ATG7: variants seen among roughly 807,000 people sequenced by gnomAD.
ATG7 encodes the protein autophagy related 7.
ATG7 carries 70 observed loss-of-function variants against 82.4 expected under a neutral mutation model. The observed-to-expected ratio is 0.85, with a 90% confidence interval of 0.70 to 1.04. The LOEUF (loss-of-function observed/expected upper bound fraction) is 1.04, where lower values mean the gene tolerates loss of function less well. Ranked by LOEUF, ATG7 falls within the 50% of genes least tolerant of loss-of-function variation. ATG7 has a pLI of 0.00. For synonymous variants in ATG7, 287 were observed against 313.0 expected (o/e 0.92, Z 0.88); for missense variants, 792 against 864.3 (o/e 0.92, Z 1.05).
At chr3:11,279,882 G>A (rs1182423166) in intron 1 of ATG7, among the ~76,000 whole-genome samples, 2 of 150,368 alleles carry the variant, frequency 1.3e-5, no homozygotes, top group African/African-American at 4.9e-5. Context: ...TTCCTCTTCT[G>A]TTTTGTTGTC....
chr3:11,292,038 C>T (rs904507191), intron 3 of ATG7, among the ~76,000 whole-genome samples: 3 of 151,988 alleles, frequency 2.0e-5, no homozygotes, highest in Non-Finnish European at 2.9e-5. Flanking sequence ...GGCAGTGACC[C>T]GTGAGTATAT....
chr3:11,418,187 C>G (rs58354489), intron 19 of ATG7, among the ~76,000 whole-genome samples: 3,918 of 151,512 alleles, frequency 0.026, 188 homozygotes, highest in African/African-American at 0.09. Context: ...TCACTGCAGC[C>G]TCAACCTCCC....
At chr3:11,337,668 G>A (rs568262857) in intron 11 of ATG7, among the ~76,000 whole-genome samples, 1 of 151,946 alleles carries the variant, frequency 6.6e-6, no homozygotes, top group South Asian at 2.1e-4. Context: ...TTTTTTGAGA[G>A]ATGAGGTCTT....
chr3:11,491,926 C>T (rs2090397161), intron 20 of ATG7, among the ~76,000 whole-genome samples: 1 of 152,302 alleles, frequency 6.6e-6, no homozygotes, highest in Non-Finnish European at 1.5e-5. Flanking sequence ...TTTGTCTGTG[C>T]CCTGCCCCCA....
Position 11,307,081 on chromosome 3 carries a change from G to T in ATG7, c.333+21G>T, listed in dbSNP as rs140745616. 98 of 1,592,782 alleles carry T rather than the reference G, an allele frequency of 6.2e-5. 1 individual carries two copies. The African/African-American group carries it at 1.2e-3, about 19-fold the overall frequency. ...ATGAGGTTAGCTGTGAAAACGTGAT[G>T]TATGTGTCATATTTCCTGTGGTCCT... On this transcript the variant is annotated intron_variant, in intron 6 of 20. Transcript: ENST00000693202.
intron 20 of ATG7, among the ~76,000 whole-genome samples, chr3:11,467,358 T>C (rs60445355): frequency 0.1 from 15,876 of 152,150 alleles, 1,296 homozygotes; most frequent in African/African-American, 0.23. Flanking sequence ...CATAAAATAT[T>C]ACCTCAACCG....
At position 11,426,875 on chromosome 3, in the gene ATG7, A is replaced by G; in HGVS notation, c.2028A>G (p.Leu676=). The change falls in exon 20 of 21, where the codon TTA becomes TTG. Residue 676 remains leucine (L), a synonymous_variant. Transcript: ENST00000693202. ...TGTTTAATTCTTCACATTCCTTCTT[A>G]GAAGACTTGACTGGTCTTACATTGC... ...AKVFNSSHSF[L]EDLTGLTLLH... is the part of the protein sequence containing the mutation. 1 of 1,612,394 alleles carries G rather than the reference A, an allele frequency of 6.2e-7. No homozygotes were observed. Among genetic ancestry groups the G allele is most frequent in the Non-Finnish European group, 8.5e-7 (1 of 1,179,292 alleles).
chr3:11,348,117 A>G (rs950844916), intron 14 of ATG7, 82 bp downstream of exon 14: 128 of 1,495,172 alleles, frequency 8.6e-5, no homozygotes, highest in Non-Finnish European at 1.1e-4. Flanking sequence ...GGCATTGAAG[A>G]AAGAGAGTCA....
intron 20 of ATG7, among the ~76,000 whole-genome samples, chr3:11,524,567 T>C (rs370428765): frequency 3.9e-5 from 6 of 152,186 alleles, no homozygotes; most frequent in African/African-American, 1.4e-4. Context: ...GAGACCAGCC[T>C]GGACATCATG....
At chr3:11,380,524 A>G (rs2077812385) in intron 19 of ATG7, among the ~76,000 whole-genome samples, 1 of 152,182 alleles carries the variant, frequency 6.6e-6, no homozygotes, top group Admixed American at 6.5e-5. Flanking sequence ...TTCAGCTTTG[A>G]TCTTTCCAGA....
intron 18 of ATG7, among the ~76,000 whole-genome samples, chr3:11,366,532 C>A (rs1463943930): frequency 6.6e-6 from 1 of 152,170 alleles, no homozygotes; most frequent in Non-Finnish European, 1.5e-5. Flanking sequence ...GCTGTCGTAT[C>A]TCATTTGAAT....
chr3:11,532,719 C>T (rs2092716131), intron 20 of ATG7, among the ~76,000 whole-genome samples: 1 of 152,024 alleles, frequency 6.6e-6, no homozygotes, highest in African/African-American at 2.4e-5. Context: ...TGAGACCTGT[C>T]GTAAAAAACG....
At chr3:11,502,246 TAA>T (rs1197696816) in intron 20 of ATG7, among the ~76,000 whole-genome samples, 3 of 151,806 alleles carry the variant, frequency 2.0e-5, no homozygotes, top group Admixed American at 1.3e-4. Flanking sequence ...TATTATACTT[TAA>T]GTTTTAGGGT....
chr3:11,499,767 A>AG (rs2091182690), intron 20 of ATG7, among the ~76,000 whole-genome samples: 1 of 151,020 alleles, frequency 6.6e-6, no homozygotes, highest in African/African-American at 2.4e-5. Context: ...AAAAAAAGAA[A>AG]CAAAAAATCT....
intron 9 of ATG7, among the ~76,000 whole-genome samples, chr3:11,319,040 A>G (rs1470941949): frequency 6.6e-6 from 1 of 152,064 alleles, no homozygotes; most frequent in African/African-American, 2.4e-5. Context: ...GTTTGTCCCC[A>G]CTCTGCGTCC....
intron 9 of ATG7, among the ~76,000 whole-genome samples, chr3:11,317,584 C>CT (rs370026914): frequency 0.032 from 3,646 of 114,454 alleles, 165 homozygotes; most frequent in African/African-American, 0.095. Context: ...TTCTTTCTTT[C>CT]TTTTTTTTTT....
rs115714164 is a variant in ATG7 at position 11,293,047 on chromosome 3, C to A, written c.-10-5639C>A. 2.7e-3 allele frequency among the ~76,000 whole-genome samples: 411 copies of A among 152,176 alleles called. 3 individuals are homozygous for A. The highest frequency in any genetic ancestry group is 9.3e-3 in the African/African-American group (388 of 41,500). ...CTTGAATTAAGGTGATACTATTAAGCAAACTAGGAAATACAGAGAAAGGGG... is the reference window on the plus strand; with the variant it reads ...CTTGAATTAAGGTGATACTATTAAGAAAACTAGGAAATACAGAGAAAGGGG... On this transcript the variant is annotated intron_variant, in intron 3 of 20. Transcript: ENST00000693202.
At chr3:11,322,008 C>T (rs1950282094) in intron 9 of ATG7, among the ~76,000 whole-genome samples, 4 of 152,152 alleles carry the variant, frequency 2.6e-5, no homozygotes, top group Admixed American at 2.6e-4. Flanking sequence ...TCAGCAGCCC[C>T]CGGGACATCC....
At position 11,453,966 on chromosome 3, in the gene ATG7, C is replaced by T. The variant is rs1346506484; in HGVS notation, c.2079+27040C>T. 3.3e-5 allele frequency among the ~76,000 whole-genome samples: 5 copies of T among 152,296 alleles called. No individual in the cohort carries two copies. In the East Asian group the frequency reaches 9.6e-4, roughly 29 times the overall value. On this transcript the variant is annotated intron_variant, in intron 20 of 20. Coordinates refer to ENST00000693202, the MANE Select transcript of ATG7 (RefSeq NM_001349232.2). ...TTTATGAGAATTATCTAGGAAAAAG[C>T]AGACATCAGAGGAAATTCCGTGTAA...
Sources: allele counts gnomAD v4.1 joint callset (sites outside exome capture counted in the v4.1 genomes callset), GRCh38; gene constraint gnomAD v4.1.1; transcripts MANE v1.5; gene names NCBI Gene and HGNC (gene_info 2026-07-23, HGNC 2026-07-21).